The following ZNF184 variants were observed in gnomAD, a reference collection of about 807,000 sequenced individuals.
ZNF184 encodes the protein zinc finger protein 184, also known as zinc finger protein 184 (Kruppel-like).
Under a neutral mutation model 54.4 loss-of-function variants are expected in ZNF184, and 16 were observed. The ratio of observed to expected loss-of-function variants is 0.29; its 90% CI spans 0.20 to 0.45. The LOEUF is 0.45. Ranked by LOEUF, ZNF184 falls within the 20% of genes least tolerant of loss-of-function variation. The pLI, the probability that ZNF184 is intolerant of heterozygous loss-of-function variation, is 1.00. For synonymous variants in ZNF184, 254 were observed against 295.3 expected, an observed-to-expected ratio of 0.86 and a Z score of 1.43; for missense variants, 681 against 888.2, an observed-to-expected ratio of 0.77 and a Z score of 2.97.
intron 3 of ZNF184, among the ~76,000 whole-genome samples, chr6:27,460,863 G>A (rs1457506963): frequency 6.6e-6 from 1 of 152,178 alleles, no homozygotes; most frequent in Admixed American, 6.5e-5. Context: ...AGCAGGTCTG[G>A]TTGGCTCATT....
chr6:27,427,694 A>G, the ZNF184 span, among the ~76,000 whole-genome samples: 2 of 152,220 alleles, frequency 1.3e-5, no homozygotes, highest in Non-Finnish European at 2.9e-5. Flanking sequence ...GATCCATATC[A>G]GCATTCTGTT....
the ZNF184 span, among the ~76,000 whole-genome samples, chr6:27,429,537 A>G: frequency 2.0e-5 from 3 of 152,194 alleles, no homozygotes; most frequent in Non-Finnish European, 4.4e-5. Context: ...CTCATCAGTC[A>G]GTGGTGCTCT....
rs1404351189 is a variant in ZNF184, at chr6:27,452,174, G to C, written c.1385C>G (p.Ala462Gly). The change falls in exon 6 of 6, where the codon GCT (alanine) becomes GGT (glycine). Residue 462 changes from alanine to glycine, a missense_variant. By Grantham distance (60) the Ala-to-Gly change is moderately conservative. Coordinates refer to ENST00000683788, the MANE Select transcript of ZNF184 (RefSeq NM_001318891.2). This position sits in a 1 kb window ranked among gnomAD's most constrained non-coding sequence, Gnocchi z 5.5. ...GKSFSYWSSL[A>G]QHLKIHTGEK... ...TCCAGTATGAATTTTCAGGTGTTGAGCAAGGGATGACCAGTAACTAAAAGA... is the reference window on the plus strand; with the variant it reads ...TCCAGTATGAATTTTCAGGTGTTGACCAAGGGATGACCAGTAACTAAAAGA... The C allele has an allele frequency of 1.2e-6, 2 of 1,614,056 alleles. No homozygotes were observed. Among genetic ancestry groups the C allele is most frequent in the Admixed American group, 3.3e-5 (2 of 60,028 alleles).
rs377313517 is a variant in ZNF184 at position 27,468,136 on chromosome 6, C to G, written c.8-216G>C. 2.0e-5 allele frequency among the ~76,000 whole-genome samples: 3 copies of G among 152,132 alleles called. No homozygotes were observed. In the East Asian group the frequency reaches 5.8e-4, roughly 29 times the overall value. ...ATTGCTTTATGATTCAGTTTTGTACCTAGACACTTAGAAGTCATATGTATT... is the reference window on the plus strand; with the variant it reads ...ATTGCTTTATGATTCAGTTTTGTACGTAGACACTTAGAAGTCATATGTATT... On this transcript the variant is annotated intron_variant, in intron 2 of 5. Transcript: ENST00000683788.
chr6:27,434,187 A>G, the ZNF184 span, among the ~76,000 whole-genome samples: 1 of 152,148 alleles, frequency 6.6e-6, no homozygotes. Flanking sequence ...TTTTGGGTAT[A>G]TACCAAGACA....
At chr6:27,412,803 G>A in the ZNF184 span, among the ~76,000 whole-genome samples, 2 of 152,216 alleles carry the variant, frequency 1.3e-5, no homozygotes, top group African/African-American at 4.8e-5. Flanking sequence ...GAGCCCAGAA[G>A]TTTGAGGCTT....
the ZNF184 span, among the ~76,000 whole-genome samples, chr6:27,441,983 T>G: frequency 6.6e-6 from 1 of 152,190 alleles, no homozygotes; most frequent in Non-Finnish European, 1.5e-5. Flanking sequence ...AAATGTGAAA[T>G]TAGTGCAAGG....
rs1762753711 is a variant in ZNF184, at chr6:27,452,411, A to G, written c.1148T>C (p.Ile383Thr). ...TTTATAGGTTTTTTCTCCAGTATGA[A>G]TTTTTTGATGTTGAGTAAGGTGTGT... ...RSTHLTQHQK[I>T]HTGEKTYKCN... The change falls in exon 6 of 6, where the codon ATT (isoleucine) becomes ACT (threonine). Residue 383 changes from isoleucine (I) to threonine (T), a missense_variant. Ile to Thr is a moderately conservative substitution (Grantham distance 89, BLOSUM62 -1). Transcript: ENST00000683788. The surrounding 1 kb of genome is among the most constrained non-coding windows in gnomAD (Gnocchi z 5.5). The G allele has an allele frequency of 6.2e-7, 1 of 1,613,814 alleles. No individual in the cohort carries two copies. Among genetic ancestry groups the G allele is most frequent in the Non-Finnish European group, 8.5e-7 (1 of 1,179,978 alleles).
the ZNF184 span, among the ~76,000 whole-genome samples, chr6:27,426,149 C>G: frequency 1.3e-5 from 2 of 152,240 alleles, no homozygotes; most frequent in African/African-American, 2.4e-5. This position sits in a 1 kb window ranked among gnomAD's most constrained non-coding sequence, Gnocchi z 4.2. Flanking sequence ...ATACCTCTGT[C>G]ATCTGGCTTA....
the ZNF184 span, among the ~76,000 whole-genome samples, chr6:27,411,069 T>C: frequency 1.3e-5 from 2 of 152,288 alleles, no homozygotes; most frequent in East Asian, 3.9e-4. Context: ...TTCTCACAGT[T>C]CTGGGGGCTA....
At chr6:27,442,741 G>A in the ZNF184 span, among the ~76,000 whole-genome samples, 747 of 24,280 alleles carry the variant, frequency 0.031, 5 homozygotes, top group Middle Eastern at 0.12. Flanking sequence ...GAAGGAAGGA[G>A]GGAGGGAGGG....
At chr6:27,438,314 A>G in the ZNF184 span, among the ~76,000 whole-genome samples, 1 of 152,226 alleles carries the variant, frequency 6.6e-6, no homozygotes, top group Non-Finnish European at 1.5e-5. Context: ...TCTGTAATTT[A>G]TAAGAAATAT....
chr6:27,413,415 T>G, the ZNF184 span, among the ~76,000 whole-genome samples: 1 of 152,264 alleles, frequency 6.6e-6, no homozygotes, highest in African/African-American at 2.4e-5. Flanking sequence ...TCAGAAATAT[T>G]TAAATTGATA....
At chr6:27,448,909 G>A (rs1267624420), downstream of ZNF184, among the ~76,000 whole-genome samples, 2 of 152,004 alleles carry the variant, frequency 1.3e-5, no homozygotes, top group Non-Finnish European at 2.9e-5. Context: ...TACCACCCTT[G>A]GCATTTTACA....
At chr6:27,468,052 A>C in intron 2 of ZNF184, 132 bp from the exon 3 acceptor site, 1 of 763,208 alleles carries the variant, frequency 1.3e-6, no homozygotes, top group South Asian at 2.4e-5. Flanking sequence ...AGAATGCAAA[A>C]AAAGTTACAA....
intron 3 of ZNF184, among the ~76,000 whole-genome samples, chr6:27,463,843 C>A (rs1253595301): frequency 2.0e-5 from 3 of 151,562 alleles, no homozygotes; most frequent in Non-Finnish European, 4.4e-5. Flanking sequence ...CTTCTTTAGA[C>A]ATAGAAACCT....
chr6:27,446,914 G>A (rs1294635291), downstream of ZNF184, among the ~76,000 whole-genome samples: 1 of 152,060 alleles, frequency 6.6e-6, no homozygotes, highest in Non-Finnish European at 1.5e-5. Flanking sequence ...GGAGGCTGAA[G>A]CGGGTGGATC....
At chr6:27,422,891 C>T in the ZNF184 span, among the ~76,000 whole-genome samples, 3 of 152,200 alleles carry the variant, frequency 2.0e-5, no homozygotes, top group Non-Finnish European at 4.4e-5. Context: ...CTTTCTCCCT[C>T]GTCCGCCGGA....
chr6:27,407,100 A>G, the ZNF184 span: 1 of 152,698 alleles, frequency 6.5e-6, no homozygotes, highest in Non-Finnish European at 1.5e-5. Flanking sequence ...CTGAAGACCT[A>G]CTCACCTCAT....
Sources: allele counts gnomAD v4.1 joint callset (sites outside exome capture counted in the v4.1 genomes callset), GRCh38; gene constraint gnomAD v4.1.1; non-coding constraint Gnocchi (gnomAD v3.1); transcripts MANE v1.5; gene names NCBI Gene and HGNC (gene_info 2026-07-23, HGNC 2026-07-21).